The following CABP7 variants were observed in gnomAD, a reference collection of about 807,000 sequenced individuals.
CABP7 encodes the protein calcium-binding protein 7.
Under a neutral mutation model 23.1 loss-of-function variants are expected in CABP7, and 13 were observed. The observed-to-expected ratio is 0.56, with a 90% CI of 0.37 to 0.90. The LOEUF (loss-of-function observed/expected upper bound fraction) is 0.90, where lower values mean the gene tolerates loss of function less well. Ranked by LOEUF, CABP7 falls within the 40% of genes least tolerant of loss-of-function variation. CABP7 has a pLI of 0.01. For synonymous variants in CABP7, 123 were observed against 115.3 expected (o/e 1.07, Z -0.43); for missense variants, 248 against 295.6 (o/e 0.84, Z 1.18).
Position 29,720,386 on chromosome 22 carries a change from C to T in CABP7, c.-39C>T, listed in dbSNP as rs1452511102. On this transcript the variant is annotated 5_prime_UTR_variant, in exon 1 of 5. Coordinates refer to ENST00000216144, the MANE Select transcript of CABP7 (RefSeq NM_182527.3). The surrounding 1 kb of genome is among the most constrained non-coding windows in gnomAD (Gnocchi z 5.2). ...GCCACCGGCCCATGAGCCCCGGCCT[C>T]AAAGTTTGCGGCGGGCGGGCGGGCG... 7.1e-7 allele frequency: 1 copy of T among 1,411,390 alleles called. No individual in the cohort carries two copies. Among genetic ancestry groups the T allele is most frequent in the Non-Finnish European group, 9.4e-7 (1 of 1,059,964 alleles). 87.4% of individuals were successfully genotyped at this position (1,411,390 alleles called of 1,614,324 possible).
Position 29,731,438 on chromosome 22 carries a change from C to T in CABP7, c.*1869C>T. 6 of 1,487,708 alleles carry T rather than the reference C, an allele frequency of 4.0e-6. No individual in the cohort carries two copies. The highest frequency in any genetic ancestry group is 4.4e-6 in the Non-Finnish European group (5 of 1,132,738). The allele number at this position is 1,487,708 out of a possible 1,614,324, so 92.2% of individuals were successfully genotyped here. The stretch of plus-strand genomic sequence containing the variant: ...ACCCCCAGCCCACCTGCCTCACCAC[C>T]CTGGCTGTGGGGAGGGTCAGCTGCC... On this transcript the variant is annotated 3_prime_UTR_variant, in exon 5 of 5. Transcript: ENST00000216144.
rs1601704729 is a variant in CABP7, at chr22:29,720,377, C to T, written c.-48C>T. 3 of 1,324,216 alleles carry T rather than the reference C, an allele frequency of 2.3e-6. No homozygotes were observed. The highest frequency in any genetic ancestry group is 3.4e-5 in the East Asian group (1 of 29,586). 82.0% of individuals were successfully genotyped at this position (1,324,216 alleles called of 1,614,324 possible). ...CCCGGGGCCGCCACCGGCCCATGAG[C>T]CCCGGCCTCAAAGTTTGCGGCGGGC... is the stretch of plus-strand genomic sequence containing the variant. On this transcript the variant is annotated 5_prime_UTR_variant, in exon 1 of 5. Coordinates refer to ENST00000216144, the MANE Select transcript of CABP7 (RefSeq NM_182527.3). The surrounding 1 kb of genome is among the most constrained non-coding windows in gnomAD (Gnocchi z 5.2).
chr22:29,722,327 C>A (rs1287828501), intron 1 of CABP7, among the ~76,000 whole-genome samples: 1 of 152,200 alleles, frequency 6.6e-6, no homozygotes, highest in South Asian at 2.1e-4. Flanking sequence ...GCCGCAGGCT[C>A]CCCAACCAAC....
intron 1 of CABP7, among the ~76,000 whole-genome samples, chr22:29,721,412 C>T (rs753388379): frequency 2.6e-5 from 4 of 152,120 alleles, no homozygotes; most frequent in Non-Finnish European, 5.9e-5. Flanking sequence ...CCCCCCAGAC[C>T]TCCTGGAGCC....
chr22:29,720,790 CCGCAGCGGGGTCACGGGGCCG>C lies in CABP7; in HGVS notation c.109+263_109+283del, dbSNP rs2067755701. 6.6e-6 allele frequency among the ~76,000 whole-genome samples: 1 copy of C among 151,268 alleles called. No homozygotes were observed. Among genetic ancestry groups the C allele is most frequent in the Non-Finnish European group, 1.5e-5 (1 of 67,676 alleles). ...CAGCGCTGCGGAAACTTGCCGGGCC[CCGCAGCGGGGTCACGGGGCCG>C]CGCAGTCGGCGGTGACGGTGCGGCA... On this transcript the variant is annotated intron_variant, in intron 1 of 4. Transcript: ENST00000216144. This position sits in a 1 kb window ranked among gnomAD's most constrained non-coding sequence, Gnocchi z 5.2.
rs2067754418 is a variant in CABP7, at chr22:29,720,661, C to T, written c.109+128C>T. 1 of 492,808 alleles carries T rather than the reference C, an allele frequency of 2.0e-6. No homozygotes were observed. Among genetic ancestry groups the T allele is most frequent in the Non-Finnish European group, 3.4e-6 (1 of 290,246 alleles). 30.5% of individuals were successfully genotyped at this position (492,808 alleles called of 1,614,324 possible). ...AGGTGCCGGTTGCCAGGTGGGCGCCCCAGCTAGCAGCTGTGCCCCGCGGCA... is the reference window on the plus strand; with the variant it reads ...AGGTGCCGGTTGCCAGGTGGGCGCCTCAGCTAGCAGCTGTGCCCCGCGGCA... On this transcript the variant is annotated intron_variant, in intron 1 of 4. Coordinates refer to ENST00000216144, the MANE Select transcript of CABP7 (RefSeq NM_182527.3). The surrounding 1 kb of genome is among the most constrained non-coding windows in gnomAD (Gnocchi z 5.2).
chr22:29,721,058 G>A (rs1013451944), intron 1 of CABP7, among the ~76,000 whole-genome samples: 1 of 152,198 alleles, frequency 6.6e-6, no homozygotes, highest in Non-Finnish European at 1.5e-5. Context: ...GTCCCCACCT[G>A]CGGCCGTAGC....
At position 29,720,566 on chromosome 22, in the gene CABP7, C is replaced by T. The variant is rs1569328905; in HGVS notation, c.109+33C>T. ...TCCGCCGGGATCCCCGCCCCGGCGG[C>T]CCTCCTACCTGTGCGCCCAGGTGAA... On this transcript the variant is annotated intron_variant, in intron 1 of 4. Transcript: ENST00000216144. This position sits in a 1 kb window ranked among gnomAD's most constrained non-coding sequence, Gnocchi z 5.2. The T allele has an allele frequency of 2.8e-6, 4 of 1,434,126 alleles. No homozygotes were observed. The highest frequency in any genetic ancestry group is 2.1e-5 in the Admixed American group (1 of 47,276). The allele number at this position is 1,434,126 out of a possible 1,614,324, so 88.8% of individuals were successfully genotyped here. A position where few individuals can be genotyped will look rare whatever the true frequency, so the allele number is the denominator to read the frequency against.
At chr22:29,724,623 G>A (rs927185902) in intron 1 of CABP7, among the ~76,000 whole-genome samples, 1 of 152,154 alleles carries the variant, frequency 6.6e-6, no homozygotes, top group Admixed American at 6.5e-5. Flanking sequence ...CTCTGTGGGC[G>A]GGTGGGAGTC....
At position 29,730,730 on chromosome 22, in the gene CABP7, C is replaced by G. The variant is rs2067833651; in HGVS notation, c.*1161C>G. 1 of 152,442 alleles carries G rather than the reference C, an allele frequency of 6.6e-6. No individual in the cohort carries two copies. Among genetic ancestry groups the G allele is most frequent in the Admixed American group, 6.5e-5 (1 of 15,284 alleles). The allele number at this position is 152,442 out of a possible 1,614,324, so 9.4% of individuals were successfully genotyped here. A position where few individuals can be genotyped will look rare whatever the true frequency, so the allele number is the denominator to read the frequency against. ...CAGGGCGGGGATGGCAGATGGAGCC[C>G]TTGGGCTCCTTGGGCCTAGAGCCAC... On this transcript the variant is annotated 3_prime_UTR_variant, in exon 5 of 5. Transcript: ENST00000216144.
Position 29,731,575 on chromosome 22 carries a change from G to A in CABP7, c.*2006G>A. 1 of 515,840 alleles carries A rather than the reference G, an allele frequency of 1.9e-6. No individual in the cohort carries two copies. The highest frequency in any genetic ancestry group is 3.3e-6 in the Non-Finnish European group (1 of 302,822). The allele number at this position is 515,840 out of a possible 1,614,324, so 32.0% of individuals were successfully genotyped here. ...AATAGCGGGGTTGCAGGCAGACATT[G>A]AGCTGCGAGACAATGGGAATAACCT... On this transcript the variant is annotated 3_prime_UTR_variant, in exon 5 of 5. Transcript: ENST00000216144.
chr22:29,725,932 C>CATACTATTTATGTGCT, intron 1 of CABP7, among the ~76,000 whole-genome samples: 1 of 152,138 alleles, frequency 6.6e-6, no homozygotes, highest in East Asian at 1.9e-4. Flanking sequence ...GACCGGAATC[C>CATACTATTTATGTGCT]CCTCAGCAGC....
At chr22:29,723,538 C>G (rs1310356481) in intron 1 of CABP7, among the ~76,000 whole-genome samples, 1 of 152,158 alleles carries the variant, frequency 6.6e-6, no homozygotes, top group African/African-American at 2.4e-5. Context: ...CCTTTCTGGC[C>G]GAAGAGAGGA....
Position 29,729,775 on chromosome 22 carries a change from G to T in CABP7, c.*206G>T. 1 of 651,520 alleles carries T rather than the reference G, an allele frequency of 1.5e-6. No homozygotes were observed. Among genetic ancestry groups the T allele is most frequent in the Non-Finnish European group, 2.6e-6 (1 of 385,658 alleles). The allele number at this position is 651,520 out of a possible 1,614,324, so 40.4% of individuals were successfully genotyped here. A position where few individuals can be genotyped will look rare whatever the true frequency, so the allele number is the denominator to read the frequency against. ...CTGTGGAGGGCCGGGTGGTGGCTCT[G>T]AGGATGGTCCCCAGCCCCACCCTGT... On this transcript the variant is annotated 3_prime_UTR_variant, in exon 5 of 5. Transcript: ENST00000216144.
Position 29,727,779 on chromosome 22 carries a change from T to TC in CABP7, c.228dup (p.Ile77HisfsTer10). The TC allele has an allele frequency of 3.7e-6, 6 of 1,610,990 alleles. No individual in the cohort carries two copies. The highest frequency in any genetic ancestry group is 5.1e-6 in the Non-Finnish European group (6 of 1,178,430). On this transcript the variant is annotated frameshift_variant, in exon 2 of 5. Coordinates refer to ENST00000216144, the MANE Select transcript of CABP7 (RefSeq NM_182527.3). LOFTEE classifies it high-confidence loss of function. This position sits in a 1 kb window ranked among gnomAD's most constrained non-coding sequence, Gnocchi z 4.2. ...ATGCCCAACGAGGTGGAGCTGGAGG[T>TC]CATCATCCAGCGGCTGGACATGGAT...
chr22:29,728,052 T>A (rs2067809282), intron 2 of CABP7, among the ~76,000 whole-genome samples: 1 of 152,156 alleles, frequency 6.6e-6, no homozygotes, highest in East Asian at 1.9e-4. Context: ...TTTCACTCTG[T>A]GTTGAGAAGT....
In CABP7 at chr22:29,731,345, G is replaced by T; in HGVS notation, c.*1776G>T. The T allele has an allele frequency of 6.5e-7, 1 of 1,542,366 alleles. No homozygotes were observed. The highest frequency in any genetic ancestry group is 1.3e-5 in the South Asian group (1 of 78,898). ...GGTACTGGAAGACAGTGGTTCTGAT[G>T]GGTTCAGCCCTAGAGAGAGAGAGAG... On this transcript the variant is annotated 3_prime_UTR_variant, in exon 5 of 5. Coordinates refer to ENST00000216144, the MANE Select transcript of CABP7 (RefSeq NM_182527.3).
intron 1 of CABP7, among the ~76,000 whole-genome samples, chr22:29,721,014 C>T (rs1386343900): frequency 6.6e-6 from 1 of 152,176 alleles, no homozygotes; most frequent in Admixed American, 6.5e-5. Context: ...GAGAGGGCGA[C>T]TGCCCTGCTC....
At chr22:29,723,426 T>G (rs1260246628) in intron 1 of CABP7, among the ~76,000 whole-genome samples, 1 of 152,068 alleles carries the variant, frequency 6.6e-6, no homozygotes, top group Admixed American at 6.5e-5. Context: ...TTTTCCAACA[T>G]ACACACACAG....
Sources: gnomAD v4.1 joint callset for allele counts (sites outside exome capture counted in the v4.1 genomes callset) on GRCh38, gnomAD v4.1.1 for gene constraint, Gnocchi (gnomAD v3.1) non-coding constraint, MANE v1.5 for transcripts, NCBI Gene and HGNC (gene_info 2026-07-23, HGNC 2026-07-21) for gene names.